BRDT: variants seen among roughly 807,000 people sequenced by gnomAD.
BRDT encodes bromodomain testis associated, also known as bromodomain testis-specific protein.
Under a neutral mutation model 113.9 loss-of-function variants are expected in BRDT, and 77 were observed. The observed-to-expected ratio is 0.68, with a 90% confidence interval of 0.56 to 0.82. The LOEUF is 0.82. BRDT is among the 40% of genes least tolerant of loss of function. The probability of loss-of-function intolerance (pLI) is 0.00; values close to 1 mark genes in which losing one functional copy is unlikely to be tolerated. For missense variants in BRDT, 1,027 were observed against 1,105.4 expected, an observed-to-expected ratio of 0.93 and a Z score of 1.01; for synonymous variants, 358 against 366.5, an observed-to-expected ratio of 0.98 and a Z score of 0.26.
intron 12 of BRDT, among the ~76,000 whole-genome samples, chr1:91,988,483 C>T (rs549416837): frequency 6.6e-6 from 1 of 152,188 alleles, no homozygotes; most frequent in South Asian, 2.1e-4. Flanking sequence ...TCACTGAAAC[C>T]TCTGCCTCCC....
intron 15 of BRDT, among the ~76,000 whole-genome samples, chr1:91,996,625 T>C (rs937805435): frequency 6.6e-6 from 1 of 152,182 alleles, no homozygotes; most frequent in African/African-American, 2.4e-5. Flanking sequence ...GTAGTTAGGA[T>C]TAAGTAAGGA....
chr1:91,951,450 A>T (rs1681064683), intron 1 of BRDT, among the ~76,000 whole-genome samples: 1 of 152,056 alleles, frequency 6.6e-6, no homozygotes, highest in East Asian at 1.9e-4. Context: ...TGAGATTGGC[A>T]TAAGGCGGGG....
At chr1:91,954,994 A>G (rs1422987100) in intron 1 of BRDT, among the ~76,000 whole-genome samples, 1 of 151,976 alleles carries the variant, frequency 6.6e-6, no homozygotes. Context: ...TTTCACTTAG[A>G]TGGGTTAGAC....
In BRDT at chr1:91,979,634, C is replaced by T; in HGVS notation, c.1164C>T (p.Tyr388=). ...CTGTTGAGAGTATGCCTTTATGTTA[C>T]ATCAAAACAGATATCACAGAAACCA... ...IEPVESMPLC[Y]IKTDITETTG... is the part of the protein sequence containing the mutation. The change falls in exon 8 of 19, where the codon TAC becomes TAT. Residue 388 remains tyrosine, a synonymous_variant. Coordinates refer to ENST00000399546, the MANE Select transcript of BRDT (RefSeq NM_207189.4). 19 of 1,613,978 alleles carry T rather than the reference C, an allele frequency of 1.2e-5. No homozygotes were observed. The highest frequency in any genetic ancestry group is 1.6e-5 in the Non-Finnish European group (19 of 1,179,988).
intron 18 of BRDT, among the ~76,000 whole-genome samples, chr1:92,010,967 A>ATT (rs58890282): frequency 1.4e-5 from 2 of 143,146 alleles, no homozygotes; most frequent in Admixed American, 7.0e-5. Flanking sequence ...TGGGTGCTAG[A>ATT]TTTTTTTTTT....
rs780251801 is a variant in BRDT, at chr1:91,994,080, CAGAT to C, written c.2116_2119del (p.Ile706AspfsTer23). The C allele has an allele frequency of 1.9e-6, 3 of 1,589,308 alleles. No individual in the cohort carries two copies. Among genetic ancestry groups the C allele is most frequent in the South Asian group, 2.3e-5 (2 of 85,882 alleles). ...AGTGATAACTTTGATTTTGTTTTAA[CAGAT>C]AGGATATTGTGTGCAAGACACAACC... is the stretch of plus-strand genomic sequence containing the variant. On this transcript the variant is annotated splice_acceptor_variant and coding_sequence_variant, in exon 15 of 19. Transcript: ENST00000399546. LOFTEE classifies it high-confidence loss of function.
At chr1:91,991,525 A>G (rs1449874636) in intron 13 of BRDT, among the ~76,000 whole-genome samples, 4 of 152,242 alleles carry the variant, frequency 2.6e-5, no homozygotes, top group Non-Finnish European at 5.9e-5. Context: ...GTCTGAATAC[A>G]GAGGGATGGC....
rs1323181603 is a variant in BRDT, at chr1:91,961,582, TCG to T, written c.-37-1132_-37-1131del. On this transcript the variant is annotated intron_variant, in intron 1 of 18. Coordinates refer to ENST00000399546, the MANE Select transcript of BRDT (RefSeq NM_207189.4). ...AGGCAAACATTACAGTGGGCCGAGA[TCG>T]CGCCATTGCACTCCAGCCTGGGCAA... is the stretch of plus-strand genomic sequence containing the variant. Among the ~76,000 whole-genome samples, 5 of 152,116 alleles carry T rather than the reference TCG, an allele frequency of 3.3e-5. No homozygotes were observed. The East Asian group carries it at 9.7e-4, about 30-fold the overall frequency.
chr1:92,004,470 A>G lies in BRDT; in HGVS notation c.2445A>G (p.Pro815=), dbSNP rs778906798. The G allele has an allele frequency of 2.5e-6, 4 of 1,611,792 alleles. No homozygotes were observed. Among genetic ancestry groups the G allele is most frequent in the Non-Finnish European group, 3.4e-6 (4 of 1,179,428 alleles). Residue 815 remains proline, a synonymous_variant, in exon 17 of 19, where the codon CCA becomes CCG. Transcript: ENST00000399546. ...AAAGTTTAGGCAAACCAGTGAAACCATCAGGTGTAATGAAATCCTCAGATG... is the reference window on the plus strand; with the variant it reads ...AAAGTTTAGGCAAACCAGTGAAACCGTCAGGTGTAATGAAATCCTCAGATG... ...SWKSLGKPVK[P]SGVMKSSDEL... is the part of the protein sequence containing the mutation.
rs768496621 is a variant in BRDT at position 91,980,616 on chromosome 1, G to T, written c.1288-27G>T. The T allele has an allele frequency of 5.8e-6, 8 of 1,389,332 alleles. No individual in the cohort carries two copies. The East Asian group carries it at 1.9e-4, about 32-fold the overall frequency. The allele number at this position is 1,389,332 out of a possible 1,614,324, so 86.1% of individuals were successfully genotyped here. A position where few individuals can be genotyped will look rare whatever the true frequency, so the allele number is the denominator to read the frequency against. The stretch of plus-strand genomic sequence containing the variant: ...TCTTTAATTATTTAGAGACATGAAT[G>T]TTTACAGATTTTTTTTCTTTTATCA... On this transcript the variant is annotated intron_variant, in intron 8 of 18. Coordinates refer to ENST00000399546, the MANE Select transcript of BRDT (RefSeq NM_207189.4).
chr1:91,992,046 A>AT (rs1397273398), intron 13 of BRDT, among the ~76,000 whole-genome samples: 2 of 149,006 alleles, frequency 1.3e-5, no homozygotes, highest in South Asian at 2.1e-4. Flanking sequence ...AACAGAAGTG[A>AT]TTTTTTACTA....
At chr1:91,955,508 T>C (rs1204585907) in intron 1 of BRDT, among the ~76,000 whole-genome samples, 2 of 152,082 alleles carry the variant, frequency 1.3e-5, no homozygotes, top group African/African-American at 4.8e-5. Flanking sequence ...TGTAGGACTC[T>C]TGTGGTGGCT....
chr1:92,010,442 T>C (rs913845863), intron 18 of BRDT, among the ~76,000 whole-genome samples: 1 of 151,538 alleles, frequency 6.6e-6, no homozygotes, highest in Non-Finnish European at 1.5e-5. Context: ...GCCCAGCTAA[T>C]TTTGTTTTTG....
At chr1:92,005,635 T>C (rs962834581) in intron 18 of BRDT, among the ~76,000 whole-genome samples, 1 of 152,104 alleles carries the variant, frequency 6.6e-6, no homozygotes, top group Non-Finnish European at 1.5e-5. Flanking sequence ...CAGAGCAACA[T>C]GGTGCTCTCA....
chr1:91,968,914 ATTTAT>A (rs1219307771), intron 4 of BRDT, among the ~76,000 whole-genome samples: 1 of 7,120 alleles, frequency 1.4e-4, no homozygotes, highest in Non-Finnish European at 7.8e-4. Flanking sequence ...CAGGAAAATT[ATTTAT>A]TTATTTATTT....
chr1:92,001,243 G>A (rs1359743524), intron 15 of BRDT, among the ~76,000 whole-genome samples: 2 of 152,208 alleles, frequency 1.3e-5, no homozygotes, highest in Non-Finnish European at 2.9e-5. Flanking sequence ...CCTGAGGATA[G>A]TTATTACATT....
intron 3 of BRDT, among the ~76,000 whole-genome samples, chr1:91,966,700 G>T (rs1305243117): frequency 6.6e-6 from 1 of 152,176 alleles, no homozygotes; most frequent in Non-Finnish European, 1.5e-5. Context: ...CTGTTGCTTT[G>T]TAAATTACTT....
chr1:92,007,422 T>A (rs1431711120), intron 18 of BRDT, among the ~76,000 whole-genome samples: 2 of 152,202 alleles, frequency 1.3e-5, no homozygotes, highest in Non-Finnish European at 2.9e-5. Flanking sequence ...CAGTGTCTGC[T>A]GTTTCCTTCT....
intron 18 of BRDT, 132 bp downstream of exon 18, chr1:92,005,431 C>G (rs1263568168): frequency 3.9e-6 from 3 of 778,542 alleles, no homozygotes; most frequent in African/African-American, 1.8e-5. Context: ...TAGTGAGGAT[C>G]AGGTTCTAAA....
Sources: allele counts gnomAD v4.1 joint callset (sites outside exome capture counted in the v4.1 genomes callset), GRCh38; gene constraint gnomAD v4.1.1; transcripts MANE v1.5; gene names NCBI Gene and HGNC (gene_info 2026-07-23, HGNC 2026-07-21).